Variants in SMARCAL1 observed in about 807,000 individuals in gnomAD.
SMARCAL1 encodes ATP-driven annealing helicase.
In SMARCAL1, 58 loss-of-function variants were observed where a neutral mutation model predicts 94.5. That is an observed-to-expected ratio of 0.61 (90% CI 0.50 to 0.76). The LOEUF (loss-of-function observed/expected upper bound fraction) is 0.76. SMARCAL1 is among the 30% of genes least tolerant of loss of function. The probability of loss-of-function intolerance (pLI) is 0.00; values close to 1 mark genes in which losing one functional copy is unlikely to be tolerated. For synonymous variants in SMARCAL1, 422 were observed against 455.1 expected, an observed-to-expected ratio of 0.93 and a Z score of 0.93; for missense variants, 1,051 against 1,177.9, an observed-to-expected ratio of 0.89 and a Z score of 1.58.
intron 12 of SMARCAL1, among the ~76,000 whole-genome samples, chr2:216,454,793 T>G (rs1694526388): frequency 6.6e-6 from 1 of 152,200 alleles, no homozygotes; most frequent in Non-Finnish European, 1.5e-5. Context: ...AGATGGGTGA[T>G]TTCTGCACTT....
At chr2:216,447,670 AAAAAAAAAAG>A (rs1299750743) in intron 11 of SMARCAL1, among the ~76,000 whole-genome samples, 1 of 12,300 alleles carries the variant, frequency 8.1e-5, no homozygotes, top group Admixed American at 7.1e-4. Flanking sequence ...CTCCCTGTGC[AAAAAAAAAAG>A]AAAAAAAAAG....
chr2:216,464,538 C>A, intron 12 of SMARCAL1, 59 bp from the exon 13 acceptor site: 1 of 1,204,436 alleles, frequency 8.3e-7, no homozygotes, highest in Non-Finnish European at 1.2e-6. Context: ...TAATTAGATC[C>A]ACTCATCCCA....
chr2:216,475,168 G>C lies in SMARCAL1; in HGVS notation c.2245-101G>C. 1 of 1,216,202 alleles carries C rather than the reference G, an allele frequency of 8.2e-7. No individual in the cohort carries two copies. Among genetic ancestry groups the C allele is most frequent in the Middle Eastern group, 2.4e-4 (1 of 4,200 alleles). The allele number at this position is 1,216,202 out of a possible 1,614,324, so 75.3% of individuals were successfully genotyped here. A position where few individuals can be genotyped will look rare whatever the true frequency, so the allele number is the denominator to read the frequency against. On this transcript the variant is annotated intron_variant, in intron 14 of 17. Coordinates refer to ENST00000357276, the MANE Select transcript of SMARCAL1 (RefSeq NM_014140.4). This position sits in a 1 kb window ranked among gnomAD's most constrained non-coding sequence, Gnocchi z 4.4. ...AGCTCTGAAGGCAGGGGCCTCTGCT[G>C]AGCTGGAACCTGGTTCTGTGCTGGA...
At chr2:216,479,897 C>T (rs1464114623) in intron 17 of SMARCAL1, among the ~76,000 whole-genome samples, 1 of 152,034 alleles carries the variant, frequency 6.6e-6, no homozygotes, top group Non-Finnish European at 1.5e-5. Flanking sequence ...ACAAAAAATA[C>T]AAAAATTAGC....
At chr2:216,438,397 C>G in intron 9 of SMARCAL1, 23 bp from the exon 10 acceptor site, 1 of 1,609,068 alleles carries the variant, frequency 6.2e-7, no homozygotes, top group Non-Finnish European at 8.5e-7. Context: ...ATCTTGTACA[C>G]TTATGTGGCT....
At chr2:216,447,299 C>CA (rs2106050608) in intron 11 of SMARCAL1, 141 bp downstream of exon 11, 1 of 1,085,818 alleles carries the variant, frequency 9.2e-7, no homozygotes, top group East Asian at 2.4e-5. Context: ...CTGTTTCTTA[C>CA]TATGGCCTTG....
chr2:216,420,218 C>G (rs1468404888), intron 4 of SMARCAL1, 81 bp from the exon 5 acceptor site: 3 of 1,149,102 alleles, frequency 2.6e-6, no homozygotes, highest in African/African-American at 3.1e-5. Context: ...CCCACTTTCT[C>G]CCTCTTCCCT....
intron 17 of SMARCAL1, 36 bp downstream of exon 17, chr2:216,478,335 G>A: frequency 6.6e-7 from 1 of 1,513,890 alleles, no homozygotes; most frequent in Non-Finnish European, 9.2e-7. Context: ...CCCTGGAGCA[G>A]AGGGAGGCAT....
chr2:216,464,763 T>A, intron 13 of SMARCAL1, 96 bp downstream of exon 13: 2 of 884,612 alleles, frequency 2.3e-6, no homozygotes. Flanking sequence ...TTTTACTGCG[T>A]CTAAGAAATG....
intron 6 of SMARCAL1, among the ~76,000 whole-genome samples, chr2:216,424,439 C>G (rs1456948047): frequency 6.6e-6 from 1 of 152,180 alleles, no homozygotes; most frequent in African/African-American, 2.4e-5. Flanking sequence ...CTGCTTTTCT[C>G]CTAATCCTGA....
rs1446457948 is a variant in SMARCAL1 at position 216,422,230 on chromosome 2, A to T, written c.1097-1403A>T. Reference sequence around the variant, plus strand: ...AACCCTGTCTACTAAAAATACAAAAACTAGCCAGGCGTGGTGGTGCCATCC... The same window carrying T: ...AACCCTGTCTACTAAAAATACAAAATCTAGCCAGGCGTGGTGGTGCCATCC... On this transcript the variant is annotated intron_variant, in intron 5 of 17. Transcript: ENST00000357276. Among the ~76,000 whole-genome samples, 4 of 152,070 alleles carry T rather than the reference A, an allele frequency of 2.6e-5. No homozygotes were observed. In the South Asian group the frequency reaches 8.3e-4, roughly 32 times the overall value.
Position 216,414,721 on chromosome 2 carries a change from CAG to C in SMARCAL1, c.20_21del (p.Glu7GlyfsTer7). On this transcript the variant is annotated frameshift_variant, in exon 3 of 18. Transcript: ENST00000357276. LOFTEE classifies it high-confidence loss of function. The stretch of plus-strand genomic sequence containing the variant: ...TCTGTGAAAATGTCCTTGCCTCTTA[CAG>C]AGGAGCAGAGGAAAAAGATTGAAGA... 3.1e-6 allele frequency: 5 copies of C among 1,613,964 alleles called. No individual in the cohort carries two copies. The highest frequency in any genetic ancestry group is 3.4e-6 in the Non-Finnish European group (4 of 1,179,816).
intron 6 of SMARCAL1, among the ~76,000 whole-genome samples, chr2:216,426,205 C>T (rs1182097103): frequency 5.3e-5 from 8 of 152,200 alleles, no homozygotes; most frequent in South Asian, 2.1e-4. Flanking sequence ...GAGTTCTTTC[C>T]TTCTCGCTTT....
Position 216,482,935 on chromosome 2 carries a change from T to G in SMARCAL1, c.2823T>G (p.Phe941Leu). 6.2e-7 allele frequency: 1 copy of G among 1,614,212 alleles called. No individual in the cohort carries two copies. ...CCAGTCCACAGAAGAAAAGGAGATT[T>G]GAATTTTTTGATAACTGGGACAGCT... ...LTASPQKKRR[F>L]EFFDNWDSFT... Residue 941 changes from phenylalanine (F) to leucine (L), a missense_variant, in exon 18 of 18, where the codon TTT becomes TTG. Physicochemically the swap from Phe to Leu is conservative, Grantham distance 22. Around this residue, in one of 3 missense-constraint regions of SMARCAL1, gnomAD observed 642 missense variants for 754.7 expected, o/e 0.85. Transcript: ENST00000357276. The surrounding 1 kb of genome is among the most constrained non-coding windows in gnomAD (Gnocchi z 4.3).
intron 6 of SMARCAL1, among the ~76,000 whole-genome samples, chr2:216,423,884 G>C (rs534949228): frequency 6.6e-6 from 1 of 152,204 alleles, no homozygotes; most frequent in African/African-American, 2.4e-5. Flanking sequence ...ACAAATGCCG[G>C]GCCTCTTCTA....
At position 216,482,158 on chromosome 2, in the gene SMARCAL1, G is replaced by C. The variant is rs1695214214; in HGVS notation, c.2626-580G>C. 6.6e-6 allele frequency among the ~76,000 whole-genome samples: 1 copy of C among 152,088 alleles called. No individual in the cohort carries two copies. The highest frequency in any genetic ancestry group is 2.4e-5 in the African/African-American group (1 of 41,406). On this transcript the variant is annotated intron_variant, in intron 17 of 17. Transcript: ENST00000357276. The surrounding 1 kb of genome is among the most constrained non-coding windows in gnomAD (Gnocchi z 4.3). ...AAGCCATGGCTGAACACAGAGATTT[G>C]GAAGTTGGGGGGCTGGGCACATGGT...
Position 216,420,431 on chromosome 2 carries a change from A to G in SMARCAL1, c.995A>G (p.Lys332Arg), listed in dbSNP as rs1045725415. 3.1e-6 allele frequency: 5 copies of G among 1,614,170 alleles called. No individual in the cohort carries two copies. Among genetic ancestry groups the G allele is most frequent in the Non-Finnish European group, 4.2e-6 (5 of 1,180,038 alleles). Residue 332 changes from lysine (K) to arginine (R), a missense_variant, in exon 5 of 18, where the codon AAA becomes AGA. By Grantham distance (26) the Lys-to-Arg change is conservative. Around this residue, in one of 3 missense-constraint regions of SMARCAL1, gnomAD observed 11 missense variants for 28.0 expected, o/e 0.39. Transcript: ENST00000357276. ...TCAGCTCCATCCCTTTCATTTGTCA[A>G]AGGGCGATGCATGCTCATCTCCAGG... Reference protein sequence around the residue: ...LPSAPSLSFVKGRCMLISRAY... With the variant: ...LPSAPSLSFVRGRCMLISRAY...
chr2:216,460,012 A>G (rs1184244071), intron 12 of SMARCAL1, among the ~76,000 whole-genome samples: 1 of 152,252 alleles, frequency 6.6e-6, no homozygotes, highest in Non-Finnish European at 1.5e-5. Flanking sequence ...AACCCCATCA[A>G]CAAGCGGGCA....
chr2:216,474,973 G>A (rs1166664260), intron 14 of SMARCAL1, among the ~76,000 whole-genome samples: 1 of 152,170 alleles, frequency 6.6e-6, no homozygotes, highest in Non-Finnish European at 1.5e-5. Flanking sequence ...CTGAAGATCA[G>A]TGGATTGTAT....
Sources: allele counts gnomAD v4.1 joint callset (sites outside exome capture counted in the v4.1 genomes callset), GRCh38; gene constraint gnomAD v4.1.1; regional missense constraint gnomAD v4.1.1; non-coding constraint Gnocchi (gnomAD v3.1); transcripts MANE v1.5; gene names NCBI Gene and HGNC (gene_info 2026-07-23, HGNC 2026-07-21).